SBK1: variants seen among roughly 807,000 people sequenced by gnomAD.
SBK1 encodes serine/threonine-protein kinase SBK1.
In SBK1, 11 loss-of-function variants were observed where a neutral mutation model predicts 24.4. The observed-to-expected ratio is 0.45, with a 90% confidence interval of 0.28 to 0.75. SBK1 has a LOEUF of 0.75. SBK1 is among the 30% of genes least tolerant of loss of function. SBK1 has a pLI of 0.12. For missense variants in SBK1, 467 were observed against 620.5 expected, an observed-to-expected ratio of 0.75 and a Z score of 2.63; for synonymous variants, 308 against 284.4, an observed-to-expected ratio of 1.08 and a Z score of -0.83.
At chr16:28,307,715 G>A (rs1264352221) in intron 1 of SBK1, among the ~76,000 whole-genome samples, 3 of 148,370 alleles carry the variant, frequency 2.0e-5, no homozygotes, top group Non-Finnish European at 4.5e-5. Context: ...ACTCCAGCCT[G>A]GGCAACAGAG....
chr16:28,299,877 T>A (rs2044667376), intron 1 of SBK1, among the ~76,000 whole-genome samples: 1 of 152,152 alleles, frequency 6.6e-6, no homozygotes. Context: ...TCTGCTCTCA[T>A]CTCCTGCCCT....
intron 1 of SBK1, among the ~76,000 whole-genome samples, chr16:28,316,122 G>T (rs931597105): frequency 1.3e-5 from 2 of 152,116 alleles, no homozygotes; most frequent in Admixed American, 6.6e-5. Flanking sequence ...TAGTCGGGTG[G>T]TGAGGTCGTC....
In SBK1 at chr16:28,317,665, G is replaced by C. The variant is rs2044807866; in HGVS notation, c.226+48G>C. 1.5e-6 allele frequency: 2 copies of C among 1,324,724 alleles called. No individual in the cohort carries two copies. Among genetic ancestry groups the C allele is most frequent in the African/African-American group, 1.4e-5 (1 of 69,218 alleles). The allele number at this position is 1,324,724 out of a possible 1,614,324, so 82.1% of individuals were successfully genotyped here. ...GGCTGAGAGGTTGGGGTGGGGCAGG[G>C]CTGGGAGGTCAGGGTTGGGGGACAT... On this transcript the variant is annotated intron_variant, in intron 2 of 3. Coordinates refer to ENST00000341901, the MANE Select transcript of SBK1 (RefSeq NM_001024401.3). This position sits in a 1 kb window ranked among gnomAD's most constrained non-coding sequence, Gnocchi z 4.2.
At chr16:28,260,547 G>A (rs192214679) in intron 1 of SBK1, among the ~76,000 whole-genome samples, 110 of 152,360 alleles carry the variant, frequency 7.2e-4, no homozygotes, top group African/African-American at 2.4e-3. Flanking sequence ...GCCAGGCGAG[G>A]GCTCCTGGAG....
chr16:28,308,579 T>C (rs2044732540), intron 1 of SBK1, among the ~76,000 whole-genome samples: 1 of 142,100 alleles, frequency 7.0e-6, no homozygotes, highest in Non-Finnish European at 1.5e-5. Flanking sequence ...TGTGCCACCA[T>C]GCCCAGCTAA....
chr16:28,294,716 C>T (rs565220705), intron 1 of SBK1, among the ~76,000 whole-genome samples: 1 of 152,324 alleles, frequency 6.6e-6, no homozygotes, highest in Admixed American at 6.5e-5. Context: ...CATCTCCCAC[C>T]TTCCCAGCAC....
chr16:28,280,137 A>ATG (rs1361531982), intron 1 of SBK1, among the ~76,000 whole-genome samples: 1 of 59,114 alleles, frequency 1.7e-5, no homozygotes, highest in African/African-American at 4.5e-5. Context: ...ATATATATAT[A>ATG]TATATATATA....
intron 1 of SBK1, among the ~76,000 whole-genome samples, chr16:28,270,005 G>T (rs149432030): frequency 1.6e-3 from 236 of 152,194 alleles, no homozygotes; most frequent in African/African-American, 5.3e-3. Flanking sequence ...AATCATAATG[G>T]CATCGGACTT....
intron 1 of SBK1, among the ~76,000 whole-genome samples, chr16:28,309,215 C>A (rs1419212685): frequency 6.6e-6 from 1 of 152,150 alleles, no homozygotes; most frequent in Non-Finnish European, 1.5e-5. Flanking sequence ...GAAGAGAGTG[C>A]AGATAAACCT....
chr16:28,291,675 A>G (rs1341131630), upstream of SBK1: 1 of 152,174 alleles, frequency 6.6e-6, no homozygotes, highest in Non-Finnish European at 1.5e-5. Context: ...AGCTGTCCCT[A>G]TCTCATCTCT....
At chr16:28,285,279 G>A (rs2044558621) in intron 1 of SBK1, 1 of 152,210 alleles carries the variant, frequency 6.6e-6, no homozygotes, top group African/African-American at 2.4e-5. Flanking sequence ...GATAGGGCCG[G>A]GCTTGGTAGC....
At chr16:28,310,222 CCTCT>C (rs1567678822) in intron 1 of SBK1, among the ~76,000 whole-genome samples, 1 of 152,188 alleles carries the variant, frequency 6.6e-6, no homozygotes, top group African/African-American at 2.4e-5. Flanking sequence ...CTTCCTCCAC[CCTCT>C]TGAGTGTGGG....
intron 1 of SBK1, among the ~76,000 whole-genome samples, chr16:28,282,960 G>T (rs1312521445): frequency 6.6e-6 from 1 of 152,038 alleles, no homozygotes; most frequent in African/African-American, 2.4e-5. Context: ...TAGAGACGGA[G>T]TCTCGCTCCA....
chr16:28,277,882 T>C (rs1023213943), intron 1 of SBK1, among the ~76,000 whole-genome samples: 6 of 152,226 alleles, frequency 3.9e-5, no homozygotes, highest in Admixed American at 2.0e-4. Flanking sequence ...GGGCGTGTTG[T>C]GCTCACATAT....
chr16:28,279,840 T>C (rs950814118), intron 1 of SBK1, among the ~76,000 whole-genome samples: 19 of 151,858 alleles, frequency 1.3e-4, no homozygotes, highest in African/African-American at 4.6e-4. Flanking sequence ...GGCGGCCGGC[T>C]TCCAGCAGGG....
In SBK1 at chr16:28,297,325, C is replaced by T. The variant is rs112166847; in HGVS notation, c.-8+4025C>T. Among the ~76,000 whole-genome samples the T allele has an allele frequency of 9.7e-3, 1,477 of 151,866 alleles. 18 individuals are homozygous for T. The highest frequency in any genetic ancestry group is 0.034 in the African/African-American group (1,396 of 41,414). ...CAGCCTGGGTGACAGACTGAGAGTCCGTCTCAAAAAAAAAGAAACAAAAGT... is the reference window on the plus strand; with the variant it reads ...CAGCCTGGGTGACAGACTGAGAGTCTGTCTCAAAAAAAAAGAAACAAAAGT... On this transcript the variant is annotated intron_variant, in intron 1 of 3. Transcript: ENST00000341901.
At chr16:28,299,848 A>T (rs2044667201) in intron 1 of SBK1, among the ~76,000 whole-genome samples, 1 of 152,196 alleles carries the variant, frequency 6.6e-6, no homozygotes. Flanking sequence ...CTGAATGACA[A>T]CAGCCATCCC....
chr16:28,280,366 T>TA (rs1168825457), intron 1 of SBK1, among the ~76,000 whole-genome samples: 1 of 146,350 alleles, frequency 6.8e-6, no homozygotes, highest in African/African-American at 2.5e-5. Flanking sequence ...TATATATATA[T>TA]TTGTTTGTTT....
intron 1 of SBK1, among the ~76,000 whole-genome samples, chr16:28,298,791 G>A (rs2044659197): frequency 6.6e-6 from 1 of 152,220 alleles, no homozygotes; most frequent in Non-Finnish European, 1.5e-5. Context: ...TCTGGGCTTT[G>A]GGATGGCCCC....
Sources: gnomAD v4.1 joint callset for allele counts (sites outside exome capture counted in the v4.1 genomes callset) on GRCh38, gnomAD v4.1.1 for gene constraint, Gnocchi (gnomAD v3.1) non-coding constraint, MANE v1.5 for transcripts, NCBI Gene and HGNC (gene_info 2026-07-23, HGNC 2026-07-21) for gene names.